The following USP26 variants were observed in gnomAD, a reference collection of about 807,000 sequenced individuals.
USP26 encodes the protein ubiquitin specific peptidase 26, also known as ubiquitin carboxyl-terminal hydrolase 26.
For synonymous variants in USP26, 236 were observed against 240.6 expected, an observed-to-expected ratio of 0.98 and a Z score of 0.18; for missense variants, 649 against 642.3, an observed-to-expected ratio of 1.01 and a Z score of -0.11.
chrX:133,040,276 C>T (rs1164592073), intron 5 of USP26, among the ~76,000 whole-genome samples: 1 of 111,835 alleles, frequency 8.9e-6, no homozygotes, highest in Non-Finnish European at 1.9e-5. Context: ...GATGCAGTTT[C>T]TTCACAGTAT....
At chrX:133,043,931 A>G (rs747824923) in intron 5 of USP26, among the ~76,000 whole-genome samples, 4 of 111,668 alleles carry the variant, frequency 3.6e-5, no homozygotes, top group Non-Finnish European at 7.5e-5. Flanking sequence ...GCCATTGCAA[A>G]CAAAGATTAT....
intron 1 of USP26, among the ~76,000 whole-genome samples, chrX:133,096,712 T>C (rs935474470): frequency 9.0e-6 from 1 of 110,955 alleles, no homozygotes; most frequent in Admixed American, 9.6e-5. Flanking sequence ...CTGAGAAATA[T>C]GGTGAATCTC....
At chrX:133,084,514 T>C (rs2067581782) in intron 4 of USP26, among the ~76,000 whole-genome samples, 1 of 27,334 alleles carries the variant, frequency 3.7e-5, no homozygotes, top group African/African-American at 1.9e-4. Context: ...CAGAACTTCT[T>C]TTTTTTTTTT....
At chrX:133,034,092 C>T (rs1397070408) in intron 5 of USP26, among the ~76,000 whole-genome samples, 1 of 111,564 alleles carries the variant, frequency 9.0e-6, no homozygotes, top group Admixed American at 9.6e-5. Flanking sequence ...GTTTTCCTGC[C>T]TCAGAATTCA....
chrX:133,085,982 C>T (rs1467881139), intron 4 of USP26, among the ~76,000 whole-genome samples: 3 of 110,861 alleles, frequency 2.7e-5, no homozygotes, highest in African/African-American at 9.9e-5. Context: ...TGTGAGTCAG[C>T]GTGGGTGTGT....
intron 1 of USP26, among the ~76,000 whole-genome samples, chrX:133,095,686 G>A (rs186710960): frequency 2.7e-5 from 3 of 111,578 alleles, no homozygotes; most frequent in African/African-American, 6.5e-5. Context: ...CTTCAGCCTC[G>A]TCCTCCTGGG....
chrX:133,026,839 T>C lies in USP26; in HGVS notation c.1382A>G (p.Asn461Ser). ...CGQVILKTEL[N>S]NYLSINLPQR... is the part of the protein sequence containing the mutation. Reference sequence around the variant, plus strand: ...GGGAAGGTTGATGGAGAGGTAATTATTCAGTTCTGTCTTGAGAATAACCTG... The same window carrying C: ...GGGAAGGTTGATGGAGAGGTAATTACTCAGTTCTGTCTTGAGAATAACCTG... Residue 461 changes from asparagine (N) to serine (S), a missense_variant, in exon 6 of 6, where the codon AAT (asparagine) becomes AGT (serine). By Grantham distance (46) the Asn-to-Ser change is conservative. Transcript: ENST00000511190. 1 of 1,211,094 alleles carries C rather than the reference T, an allele frequency of 8.3e-7. No individual in the cohort carries two copies. Among genetic ancestry groups the C allele is most frequent in the Non-Finnish European group, 1.1e-6 (1 of 894,993 alleles).
chrX:133,088,235 C>T (rs2067596213), intron 4 of USP26, among the ~76,000 whole-genome samples: 1 of 110,837 alleles, frequency 9.0e-6, no homozygotes, highest in Non-Finnish European at 1.9e-5. Context: ...AGCAGCAGTC[C>T]CCAACCTTGT....
intron 5 of USP26, among the ~76,000 whole-genome samples, chrX:133,041,634 C>T (rs1046217336): frequency 5.3e-5 from 6 of 112,263 alleles, no homozygotes; most frequent in African/African-American, 1.6e-4. Context: ...TCTGTCAACC[C>T]CTGTTGGGAA....
At chrX:133,049,451 C>A (rs771083428) in intron 5 of USP26, among the ~76,000 whole-genome samples, 1 of 112,190 alleles carries the variant, frequency 8.9e-6, no homozygotes, top group African/African-American at 3.2e-5. Flanking sequence ...TCCTAAAAAA[C>A]ACAATTTCCA....
At chrX:133,029,992 T>C (rs983235939) in intron 5 of USP26, among the ~76,000 whole-genome samples, 4 of 111,906 alleles carry the variant, frequency 3.6e-5, no homozygotes, top group African/African-American at 1.3e-4. Context: ...TCTGCCTTGA[T>C]TGCTTGCTTT....
chrX:133,042,849 C>T (rs1310828845), intron 5 of USP26, among the ~76,000 whole-genome samples: 1 of 109,790 alleles, frequency 9.1e-6, no homozygotes, highest in African/African-American at 3.3e-5. Context: ...ACACTATACT[C>T]AAAAAGTAAG....
At chrX:133,054,766 T>C (rs1318990395) in intron 5 of USP26, among the ~76,000 whole-genome samples, 1 of 112,127 alleles carries the variant, frequency 8.9e-6, no homozygotes, top group Non-Finnish European at 1.9e-5. Flanking sequence ...TAAATAATCA[T>C]AGCAAACCCT....
intron 5 of USP26, among the ~76,000 whole-genome samples, chrX:133,053,203 T>C (rs1364533163): frequency 9.0e-6 from 1 of 111,631 alleles, no homozygotes; most frequent in East Asian, 2.8e-4. Flanking sequence ...ATATTAACCA[T>C]GAGTATAATA....
intron 5 of USP26, among the ~76,000 whole-genome samples, chrX:133,057,786 A>G (rs1482859005): frequency 1.1e-5 from 1 of 91,935 alleles, no homozygotes; most frequent in Non-Finnish European, 2.1e-5. Flanking sequence ...TTGGGAGTTT[A>G]CAATCATCTT....
Position 133,027,851 on chromosome X carries a change from G to GTGT in USP26, c.367_369dup (p.Thr123dup), listed in dbSNP as rs3840975. 19,126 of 1,205,591 alleles carry GTGT rather than the reference G, an allele frequency of 0.016. 437 individuals carry two copies. The highest frequency in any genetic ancestry group is 0.11 in the East Asian group (3,823 of 33,599). On this transcript the variant is annotated inframe_insertion, in exon 6 of 6. Coordinates refer to ENST00000511190, the MANE Select transcript of USP26 (RefSeq NM_031907.3). ...AATGAAGTTTTGTTGATTTCCTTCT[G>GTGT]TGTTGTGCTAGAAAAGACACTCCCA...
chrX:133,027,188 G>A lies in USP26; in HGVS notation c.1033C>T (p.Leu345=), dbSNP rs754357015. Residue 345 remains leucine (L), a synonymous_variant, in exon 6 of 6, where the codon CTA becomes TTA. Transcript: ENST00000511190. ...LNALTMCLAR[L]LFFKDTYNIE... is the part of the protein sequence containing the mutation. ...TTATAGGTATCTTTAAAAAAAAGTA[G>A]CCGTGCCAAGCACATGGTAAGAGCA... 1.9e-4 allele frequency: 227 copies of A among 1,207,438 alleles called. 1 individual carries two copies. The East Asian group carries it at 6.6e-3, about 35-fold the overall frequency.
At chrX:133,085,865 G>A (rs747276997) in intron 4 of USP26, among the ~76,000 whole-genome samples, 1 of 111,131 alleles carries the variant, frequency 9.0e-6, no homozygotes, top group African/African-American at 3.3e-5. Context: ...TCCCGGCTGG[G>A]GCTACTGTCT....
intron 5 of USP26, among the ~76,000 whole-genome samples, chrX:133,055,435 AC>A (rs1483537953): frequency 8.9e-6 from 1 of 111,871 alleles, no homozygotes; most frequent in African/African-American, 3.3e-5. Flanking sequence ...TTAAATTATT[AC>A]GTGAAATGCC....
Sources: allele counts gnomAD v4.1 joint callset (sites outside exome capture counted in the v4.1 genomes callset), GRCh38; gene constraint gnomAD v4.1.1; transcripts MANE v1.5; gene names NCBI Gene and HGNC (gene_info 2026-07-23, HGNC 2026-07-21).